The following FER variants were observed in gnomAD, a reference collection of about 807,000 sequenced individuals.
The protein encoded by FER is tyrosine-protein kinase Fer.
In FER, 63 loss-of-function variants were observed where a neutral mutation model predicts 111.0. The observed-to-expected ratio is 0.57, with a 90% CI of 0.46 to 0.70. FER has a LOEUF of 0.70. Ranked by LOEUF, FER falls within the 30% of genes least tolerant of loss-of-function variation. The probability of loss-of-function intolerance (pLI) is 0.00; values close to 1 mark genes in which losing one functional copy is unlikely to be tolerated. For missense variants in FER, 914 were observed against 954.0 expected, an observed-to-expected ratio of 0.96 and a Z score of 0.55; for synonymous variants, 327 against 313.9, an observed-to-expected ratio of 1.04 and a Z score of -0.44.
intron 5 of FER, among the ~76,000 whole-genome samples, chr5:108,846,055 T>C (rs1761996684): frequency 6.6e-6 from 1 of 152,194 alleles, no homozygotes; most frequent in Non-Finnish European, 1.5e-5. Flanking sequence ...ATCACCTATG[T>C]CTATGTTTCT....
intron 10 of FER, among the ~76,000 whole-genome samples, chr5:108,936,361 A>G (rs1755471030): frequency 6.6e-6 from 1 of 151,978 alleles, no homozygotes; most frequent in Non-Finnish European, 1.5e-5. Context: ...TTAGATGATA[A>G]TTGTAGTTTG....
intron 17 of FER, among the ~76,000 whole-genome samples, chr5:109,175,414 A>G (rs1757568977): frequency 6.6e-6 from 1 of 152,348 alleles, no homozygotes; most frequent in Non-Finnish European, 1.5e-5. Flanking sequence ...CTAATAAATG[A>G]TGTAATACTT....
At chr5:108,981,226 A>G (rs988010071) in intron 13 of FER, among the ~76,000 whole-genome samples, 4 of 152,056 alleles carry the variant, frequency 2.6e-5, no homozygotes, top group Non-Finnish European at 5.9e-5. Context: ...GTAGTATTTA[A>G]ACATAGGAAA....
chr5:108,903,698 T>G (rs902342746), intron 10 of FER, among the ~76,000 whole-genome samples: 1 of 152,252 alleles, frequency 6.6e-6, no homozygotes, highest in East Asian at 1.9e-4. Context: ...ATTTCAGTTT[T>G]TCTAAAAAAT....
intron 13 of FER, among the ~76,000 whole-genome samples, chr5:108,973,732 A>G (rs1019537063): frequency 6.6e-6 from 1 of 152,156 alleles, no homozygotes; most frequent in Non-Finnish European, 1.5e-5. Flanking sequence ...TCATTGTTTC[A>G]TGGTCTTACC....
intron 3 of FER, among the ~76,000 whole-genome samples, chr5:108,800,489 T>G (rs1234222249): frequency 2.0e-5 from 3 of 152,152 alleles, no homozygotes; most frequent in African/African-American, 7.2e-5. Context: ...GAGCTGGGAC[T>G]ATAGGCATGC....
intron 5 of FER, among the ~76,000 whole-genome samples, chr5:108,845,954 GT>G (rs1212770727): frequency 6.6e-6 from 1 of 152,106 alleles, no homozygotes; most frequent in Non-Finnish European, 1.5e-5. Context: ...AATCTCGCTA[GT>G]CATGACTAAG....
rs1208293343 is a variant in FER at position 109,130,481 on chromosome 5, G to T, written c.2048+29962G>T. 2.7e-5 allele frequency among the ~76,000 whole-genome samples: 4 copies of T among 145,496 alleles called. No homozygotes were observed. In the East Asian group the frequency reaches 7.8e-4, roughly 28 times the overall value. On this transcript the variant is annotated intron_variant, in intron 17 of 19. Transcript: ENST00000281092. ...TACATATGTAATTTTAAAATTTTTAGTAGCCACATTAAAAATATAAACAGA... is the reference window on the plus strand; with the variant it reads ...TACATATGTAATTTTAAAATTTTTATTAGCCACATTAAAAATATAAACAGA...
intron 10 of FER, among the ~76,000 whole-genome samples, chr5:108,934,187 T>C (rs1755118091): frequency 6.6e-6 from 1 of 152,180 alleles, no homozygotes; most frequent in Admixed American, 6.6e-5. Flanking sequence ...GCTTTCTGTA[T>C]GTAATCTAGG....
At chr5:109,033,097 C>T (rs966109056) in intron 13 of FER, among the ~76,000 whole-genome samples, 1 of 152,106 alleles carries the variant, frequency 6.6e-6, no homozygotes, top group African/African-American at 2.4e-5. Context: ...ATGTCTTTGC[C>T]TTGTTTCTAT....
chr5:109,052,094 T>C lies in FER; in HGVS notation c.1924+4896T>C, dbSNP rs562738376. 76 of 1,603,716 alleles carry C rather than the reference T, an allele frequency of 4.7e-5. 2 individuals carry two copies. The East Asian group carries it at 1.6e-3, about 34-fold the overall frequency. On this transcript the variant is annotated intron_variant, in intron 16 of 19. Coordinates refer to ENST00000281092, the MANE Select transcript of FER (RefSeq NM_005246.4). Reference sequence around the variant, plus strand: ...ATCTGCTTCAAGTGCATCTCCACATTGACACCATCAGTTTGGGCAACCTTG... The same window carrying C: ...ATCTGCTTCAAGTGCATCTCCACATCGACACCATCAGTTTGGGCAACCTTG...
chr5:108,865,919 TA>T (rs1382161945), intron 5 of FER, among the ~76,000 whole-genome samples: 2 of 152,096 alleles, frequency 1.3e-5, no homozygotes, highest in African/African-American at 4.8e-5. Flanking sequence ...TGGCAATCAT[TA>T]AGAAGTCAGG....
chr5:108,823,074 G>T (rs946138621), intron 3 of FER, among the ~76,000 whole-genome samples: 1 of 152,208 alleles, frequency 6.6e-6, no homozygotes, highest in Non-Finnish European at 1.5e-5. Context: ...ATTTCACTAT[G>T]TTGGCCAGGC....
At chr5:108,969,595 T>C (rs758818267) in intron 13 of FER, among the ~76,000 whole-genome samples, 161 of 151,450 alleles carry the variant, frequency 1.1e-3, no homozygotes, top group Non-Finnish European at 1.9e-3. Flanking sequence ...TTACTTGTTA[T>C]ATTTTACATT....
At chr5:109,002,125 T>C (rs1366449834) in intron 13 of FER, among the ~76,000 whole-genome samples, 14 of 151,242 alleles carry the variant, frequency 9.3e-5, no homozygotes, top group Admixed American at 5.9e-4. Context: ...AAAACTACTT[T>C]AAAGTTCATA....
intron 9 of FER, among the ~76,000 whole-genome samples, chr5:108,896,995 A>G (rs1310104343): frequency 6.6e-6 from 1 of 152,182 alleles, no homozygotes; most frequent in African/African-American, 2.4e-5. Flanking sequence ...TGAAATTCCC[A>G]TTGAAGGCAG....
At position 109,192,496 on chromosome 5, in the gene FER, T is replaced by C. The variant is rs1302777920; in HGVS notation, c.*4921T>C. The C allele has an allele frequency of 6.6e-6, 1 of 152,204 alleles. No homozygotes were observed. Among genetic ancestry groups the C allele is most frequent in the Admixed American group, 6.5e-5 (1 of 15,272 alleles). 9.4% of individuals were successfully genotyped at this position (152,204 alleles called of 1,614,324 possible). The stretch of plus-strand genomic sequence containing the variant: ...TATTCCCAGCTCAGAGATGATTGTG[T>C]GCTGGGAAATGCTTATATTCATTAT... On this transcript the variant is annotated 3_prime_UTR_variant, in exon 20 of 20. Coordinates refer to ENST00000281092, the MANE Select transcript of FER (RefSeq NM_005246.4).
At chr5:109,119,662 C>CT (rs1236755128) in intron 17 of FER, among the ~76,000 whole-genome samples, 1 of 152,010 alleles carries the variant, frequency 6.6e-6, no homozygotes, top group Non-Finnish European at 1.5e-5. Flanking sequence ...TTGTAGGTCT[C>CT]TAAGGACTTG....
intron 17 of FER, among the ~76,000 whole-genome samples, chr5:109,175,902 G>A (rs762177808): frequency 2.6e-5 from 4 of 152,086 alleles, no homozygotes; most frequent in African/African-American, 7.2e-5. Context: ...TCGCATGAAC[G>A]TGGGAGATGG....
Sources: allele counts gnomAD v4.1 joint callset (sites outside exome capture counted in the v4.1 genomes callset), GRCh38; gene constraint gnomAD v4.1.1; transcripts MANE v1.5; gene names NCBI Gene and HGNC (gene_info 2026-07-23, HGNC 2026-07-21).